Variants in GABRE observed in about 807,000 individuals in gnomAD.
GABRE encodes gamma-aminobutyric acid receptor subunit epsilon.
Under a neutral mutation model 31.0 loss-of-function variants are expected in GABRE, and 20 were observed. The ratio of observed to expected loss-of-function variants is 0.64; its 90% CI spans 0.45 to 0.94. GABRE has a LOEUF of 0.94. GABRE is among the 40% of genes least tolerant of loss of function. The pLI is 0.00. For missense variants in GABRE, 420 were observed against 410.7 expected (o/e 1.02, Z -0.20); for synonymous variants, 155 against 150.6 (o/e 1.03, Z -0.21).
chrX:151,973,795 G>A (rs1037780356), intron 1 of GABRE, among the ~76,000 whole-genome samples: 11 of 111,846 alleles, frequency 9.8e-5, no homozygotes, highest in African/African-American at 3.6e-4. Context: ...ACCTGAAAGG[G>A]GAGAAGGGGA....
At chrX:151,970,585 C>T in intron 1 of GABRE, 183 bp from the exon 2 acceptor site, 1 of 483,844 alleles carries the variant, frequency 2.1e-6, no homozygotes, top group Non-Finnish European at 3.3e-6. Flanking sequence ...TTAAACCTTG[C>T]TGCTCTTTGG....
chrX:151,956,788 G>T (rs1934185479), intron 6 of GABRE: 2 of 112,068 alleles, frequency 1.8e-5, no homozygotes, highest in Non-Finnish European at 3.8e-5. Context: ...TTGTGTCCTT[G>T]GTCATGGCTC....
intron 6 of GABRE, chrX:151,958,708 G>A (rs769060243): frequency 8.6e-5 from 28 of 325,424 alleles, no homozygotes; most frequent in Non-Finnish European, 1.6e-4. Flanking sequence ...CCACCTATCC[G>A]GGAAAAGCTG....
chrX:151,966,845 AC>A (rs1465468067), intron 3 of GABRE, among the ~76,000 whole-genome samples: 1 of 112,152 alleles, frequency 8.9e-6, no homozygotes, highest in African/African-American at 3.2e-5. Context: ...TCTTTTCTGA[AC>A]CAGTCCTGTG....
Position 151,970,200 on chromosome X carries a change from G to T in GABRE, c.259C>A (p.Arg87Ser). The change falls in exon 2 of 9, where the codon CGC becomes AGC. Residue 87 changes from arginine to serine, a missense_variant. Transcript: ENST00000370328. ...TGCTCCTCACCTCCAATGCCAGGGC[G>T]CAGTTTGTGGTCATAATTACTCAGG... ...TILSNYDHKL[R>S]PGIGEKPTVV... The T allele has an allele frequency of 3.3e-6, 4 of 1,211,578 alleles. No homozygotes were observed. The highest frequency in any genetic ancestry group is 4.5e-6 in the Non-Finnish European group (4 of 895,522).
rs79310776 is a variant in GABRE, at chrX:151,962,497, G to C, written c.489C>G (p.Thr163=). The change falls in exon 4 of 9, where the codon ACC becomes ACG. Residue 163 remains threonine (T), a synonymous_variant. Coordinates refer to ENST00000370328, the MANE Select transcript of GABRE (RefSeq NM_004961.4). The part of the protein sequence containing the change: ...PDTFFRNSKR[T]HEHEITMPNQ... ...TGGGCATGGTGATCTCATGCTCGTG[G>C]GTCCTCTTAGAATTCCTAAAAAAGG... 1 of 1,210,937 alleles carries C rather than the reference G, an allele frequency of 8.3e-7. No homozygotes were observed. Among genetic ancestry groups the C allele is most frequent in the South Asian group, 1.8e-5 (1 of 56,923 alleles).
Position 151,963,962 on chromosome X carries a change from T to C in GABRE, c.343-1319A>G, listed in dbSNP as rs1934456713. Among the ~76,000 whole-genome samples the C allele has an allele frequency of 2.7e-5, 3 of 111,974 alleles. No individual in the cohort carries two copies. In the South Asian group the frequency reaches 1.1e-3, roughly 42 times the overall value. On this transcript the variant is annotated intron_variant, in intron 3 of 8. Coordinates refer to ENST00000370328, the MANE Select transcript of GABRE (RefSeq NM_004961.4). Reference sequence around the variant, plus strand: ...TGTACACTACGCCCACACGTGGAAATATAAACATGGAATTATGTCAAAATA... The same window carrying C: ...TGTACACTACGCCCACACGTGGAAACATAAACATGGAATTATGTCAAAATA...
intron 6 of GABRE, chrX:151,958,029 C>T (rs994066736): frequency 1.4e-4 from 17 of 119,592 alleles, no homozygotes; most frequent in African/African-American, 4.8e-4. Context: ...AGTGGCTGGA[C>T]TAATGTAACC....
Position 151,964,119 on chromosome X carries a change from C to CT in GABRE, c.343-1477dup, listed in dbSNP as rs3216394. The stretch of plus-strand genomic sequence containing the variant: ...TAGACTCTAGTGACAATTAGTCTCA[C>CT]TTTTTTTTTTCTGTAGAATTGTTTC... On this transcript the variant is annotated intron_variant, in intron 3 of 8. Coordinates refer to ENST00000370328, the MANE Select transcript of GABRE (RefSeq NM_004961.4). 1.1e-4 allele frequency among the ~76,000 whole-genome samples: 12 copies of CT among 109,489 alleles called. No individual in the cohort carries two copies. The South Asian group carries it at 1.2e-3, about 11-fold the overall frequency.
chrX:151,974,295 G>A (rs1934822367), intron 1 of GABRE, among the ~76,000 whole-genome samples: 1 of 111,855 alleles, frequency 8.9e-6, no homozygotes, highest in Non-Finnish European at 1.9e-5. Context: ...CTGAGAGCGG[G>A]AATCCGCGAA....
chrX:151,969,495 C>CT, intron 3 of GABRE, 174 bp downstream of exon 3: 1 of 382,430 alleles, frequency 2.6e-6, no homozygotes, highest in Admixed American at 5.4e-5. Context: ...TAGCAAGGGA[C>CT]TTACCTTTTC....
chrX:151,968,085 G>A (rs1934578136), intron 3 of GABRE, among the ~76,000 whole-genome samples: 1 of 112,789 alleles, frequency 8.9e-6, no homozygotes, highest in Non-Finnish European at 1.9e-5. Flanking sequence ...TCTGAAAGAA[G>A]CCAGCTACCA....
At chrX:151,957,502 C>T (rs1272217541) in intron 6 of GABRE, 1 of 328,849 alleles carries the variant, frequency 3.0e-6, no homozygotes, top group Non-Finnish European at 5.9e-6. Context: ...ATTTAAGACA[C>T]TTCTAATTAG....
At chrX:151,960,846 A>G (rs918373707) in intron 5 of GABRE, among the ~76,000 whole-genome samples, 1 of 111,915 alleles carries the variant, frequency 8.9e-6, no homozygotes, top group Non-Finnish European at 1.9e-5. Context: ...GAGAGGGAAC[A>G]TCAAAGTTCT....
chrX:151,955,220 A>T, intron 8 of GABRE, 136 bp from the exon 9 acceptor site: 1 of 1,178,701 alleles, frequency 8.5e-7, no homozygotes, highest in East Asian at 3.2e-5. Flanking sequence ...TCACCATTAC[A>T]TCAGGAAGTT....
At chrX:151,968,307 C>T (rs182576685) in intron 3 of GABRE, among the ~76,000 whole-genome samples, 2 of 112,369 alleles carry the variant, frequency 1.8e-5, no homozygotes, top group East Asian at 2.8e-4. Context: ...CCAGCTAAGC[C>T]ATGCCTGGAT....
chrX:151,972,627 A>G, intron 1 of GABRE: 5 of 753,615 alleles, frequency 6.6e-6, no homozygotes, highest in Non-Finnish European at 4.7e-6. Flanking sequence ...AGACCACCAA[A>G]GCCCTCCTGC....
In GABRE at chrX:151,968,215, C is replaced by A. The variant is rs1051429953; in HGVS notation, c.342+1454G>T. 3.6e-5 allele frequency among the ~76,000 whole-genome samples: 4 copies of A among 112,019 alleles called. No individual in the cohort carries two copies. In the Admixed American group the frequency reaches 3.8e-4, roughly 11 times the overall value. On this transcript the variant is annotated intron_variant, in intron 3 of 8. Transcript: ENST00000370328. The stretch of plus-strand genomic sequence containing the variant: ...TGAGTGGTCTTGGAAATGGATCCCC[C>A]CTCAGTTGAGCCTTCAGATGAGACT...
chrX:151,969,870 C>A (rs1934635529), intron 2 of GABRE, 134 bp from the exon 3 acceptor site: 1 of 1,089,475 alleles, frequency 9.2e-7, no homozygotes. Flanking sequence ...AATCCTATTT[C>A]TTTATTTATT....
Sources: allele counts gnomAD v4.1 joint callset (sites outside exome capture counted in the v4.1 genomes callset), GRCh38; gene constraint gnomAD v4.1.1; transcripts MANE v1.5; gene names NCBI Gene and HGNC (gene_info 2026-07-23, HGNC 2026-07-21).